The following RBPMS variants were observed in gnomAD, a reference collection of about 807,000 sequenced individuals.
RBPMS encodes the protein RNA binding protein, mRNA processing factor.
RBPMS carries 7 observed loss-of-function variants against 26.8 expected under a neutral mutation model. The observed-to-expected ratio is 0.26, with a 90% CI of 0.15 to 0.49. The LOEUF (loss-of-function observed/expected upper bound fraction) is 0.49. RBPMS is among the 20% of genes least tolerant of loss of function. The pLI is 0.98. For synonymous variants in RBPMS, 96 were observed against 93.3 expected (o/e 1.03, Z -0.17); for missense variants, 186 against 250.0 (o/e 0.74, Z 1.73).
chr8:30,544,949 T>A (rs1286833042), intron 6 of RBPMS: 1 of 1,468,098 alleles, frequency 6.8e-7, no homozygotes, highest in Admixed American at 2.3e-5. Flanking sequence ...CCAGAGTGTA[T>A]ACGTGTGTGC....
At chr8:30,511,476 A>ATATATAT (rs1821602788) in intron 5 of RBPMS, among the ~76,000 whole-genome samples, 18 of 5,084 alleles carry the variant, frequency 3.5e-3, no homozygotes, top group African/African-American at 8.5e-3. Context: ...AAAAAGAAAA[A>ATATATAT]AAAAAAAAAA....
chr8:30,506,149 G>A (rs577772090), intron 5 of RBPMS, among the ~76,000 whole-genome samples: 1 of 152,092 alleles, frequency 6.6e-6, no homozygotes, highest in Admixed American at 6.5e-5. Flanking sequence ...CAACAAATAG[G>A]AACAAACTGG....
intron 4 of RBPMS, among the ~76,000 whole-genome samples, chr8:30,485,112 C>A (rs1485897364): frequency 6.6e-6 from 1 of 152,180 alleles, no homozygotes; most frequent in Non-Finnish European, 1.5e-5. Flanking sequence ...GATACCAGGG[C>A]AGTCAAGACC....
intron 5 of RBPMS, among the ~76,000 whole-genome samples, chr8:30,543,533 C>G (rs1825605154): frequency 6.6e-6 from 1 of 152,174 alleles, no homozygotes; most frequent in Admixed American, 6.5e-5. Context: ...GGATAGCGTC[C>G]TTGGCACACT....
intron 1 of RBPMS, among the ~76,000 whole-genome samples, chr8:30,434,613 A>G (rs910840030): frequency 2.0e-4 from 31 of 151,728 alleles, no homozygotes; most frequent in Admixed American, 1.5e-3. Flanking sequence ...CTGAGGCAGG[A>G]CAGTCACTTG....
intron 6 of RBPMS, among the ~76,000 whole-genome samples, chr8:30,555,273 G>T (rs996114475): frequency 3.9e-5 from 6 of 152,132 alleles, no homozygotes; most frequent in African/African-American, 1.4e-4. Flanking sequence ...GAGCATTCCT[G>T]AAGAAGAGGG....
chr8:30,482,198 T>C (rs1027233147), intron 4 of RBPMS, among the ~76,000 whole-genome samples: 2 of 152,240 alleles, frequency 1.3e-5, no homozygotes, highest in East Asian at 1.9e-4. Flanking sequence ...TCTTTTCTAA[T>C]TGATGAGTTA....
At position 30,507,673 on chromosome 8, in the gene RBPMS, TAAGAG is replaced by T. The variant is rs146165433; in HGVS notation, c.397+3239_397+3243del. On this transcript the variant is annotated intron_variant, in intron 5 of 8. Coordinates refer to ENST00000397323, the MANE Select transcript of RBPMS (RefSeq NM_001008710.3). ...AAAAGATCTGTGAGAAAGCGGGAGT[TAAGAG>T]ATGAGGAAGAATTATAAATTACATT... Among the ~76,000 whole-genome samples the T allele has an allele frequency of 6.4e-3, 982 of 152,308 alleles. 13 individuals are homozygous for T. Among genetic ancestry groups the T allele is most frequent in the African/African-American group, 0.022 (920 of 41,556 alleles).
In RBPMS at chr8:30,478,501, A is replaced by ATTT. The variant is rs199724683; in HGVS notation, c.183+679_183+681dup. Among the ~76,000 whole-genome samples, 9 of 139,798 alleles carry ATTT rather than the reference A, an allele frequency of 6.4e-5. 1 individual carries two copies. Among genetic ancestry groups the ATTT allele is most frequent in the African/African-American group, 1.3e-4 (5 of 37,686 alleles). 91.7% of individuals were successfully genotyped at this position (139,798 alleles called of 152,430 possible). A position where few individuals can be genotyped will look rare whatever the true frequency, so the allele number is the denominator to read the frequency against. On this transcript the variant is annotated intron_variant, in intron 3 of 8. Coordinates refer to ENST00000397323, the MANE Select transcript of RBPMS (RefSeq NM_001008710.3). Reference sequence around the variant, plus strand: ...TCAGAACAGCCTAATTAAGAATATGATTTTTTTTTTTTTTTTTGAGACGGA... The same window carrying ATTT: ...TCAGAACAGCCTAATTAAGAATATGATTTTTTTTTTTTTTTTTTTTGAGACGGA...
intron 6 of RBPMS, among the ~76,000 whole-genome samples, chr8:30,549,780 C>T (rs370404863): frequency 4.3e-5 from 4 of 94,080 alleles, no homozygotes; most frequent in Admixed American, 1.1e-4. Flanking sequence ...TCTTCTCTCT[C>T]TCTCTCTCTC....
chr8:30,393,744 CTT>C (rs777816644), intron 1 of RBPMS, among the ~76,000 whole-genome samples: 1 of 152,080 alleles, frequency 6.6e-6, no homozygotes. Flanking sequence ...GTCTCAAACT[CTT>C]GACCTCAGGT....
intron 6 of RBPMS, among the ~76,000 whole-genome samples, chr8:30,557,136 A>G (rs774149612): frequency 9.2e-5 from 14 of 152,180 alleles, no homozygotes; most frequent in Non-Finnish European, 2.1e-4. Flanking sequence ...ATCGCTGGTC[A>G]TATCTGGCAT....
intron 1 of RBPMS, among the ~76,000 whole-genome samples, chr8:30,408,952 A>C (rs770300717): frequency 2.6e-5 from 4 of 152,114 alleles, no homozygotes; most frequent in Non-Finnish European, 5.9e-5. Flanking sequence ...GGAATGATAC[A>C]AGATCGGTCT....
chr8:30,391,312 G>A lies in RBPMS; in HGVS notation c.66+6154G>A, dbSNP rs143103660. Among the ~76,000 whole-genome samples, 17 of 152,376 alleles carry A rather than the reference G, an allele frequency of 1.1e-4. No homozygotes were observed. The East Asian group carries it at 3.3e-3, about 29-fold the overall frequency. On this transcript the variant is annotated intron_variant, in intron 1 of 8. Transcript: ENST00000397323. ...CCAGAAGCCTTGGTTAGGTGGAAGA[G>A]CATGGACTCCCTGTGTTCCCAAACA...
chr8:30,566,181 G>A (rs1827874280), intron 7 of RBPMS, 76 bp from the exon 8 acceptor site: 20 of 813,744 alleles, frequency 2.5e-5, no homozygotes, highest in Non-Finnish European at 3.0e-5. Context: ...CTCAGAACAG[G>A]CCGGTCTTCA....
intron 7 of RBPMS, among the ~76,000 whole-genome samples, chr8:30,563,277 T>TGTG (rs1271852922): frequency 1.3e-5 from 2 of 152,226 alleles, no homozygotes; most frequent in African/African-American, 4.8e-5. Flanking sequence ...ACACAGCCTG[T>TGTG]GGCCAGAGTT....
At chr8:30,513,205 G>A (rs1821915655) in intron 5 of RBPMS, among the ~76,000 whole-genome samples, 1 of 152,104 alleles carries the variant, frequency 6.6e-6, no homozygotes, top group Non-Finnish European at 1.5e-5. Flanking sequence ...GTGAGACACA[G>A]AGGAGAAAGA....
chr8:30,549,014 C>T (rs1359239376), intron 6 of RBPMS, among the ~76,000 whole-genome samples: 2 of 152,176 alleles, frequency 1.3e-5, no homozygotes, highest in Non-Finnish European at 2.9e-5. Flanking sequence ...TAGGAGTCGC[C>T]CAGCAGCGAG....
intron 5 of RBPMS, among the ~76,000 whole-genome samples, chr8:30,533,300 A>T (rs1824431614): frequency 6.6e-6 from 1 of 152,182 alleles, no homozygotes; most frequent in African/African-American, 2.4e-5. Context: ...AAAGCAAGGG[A>T]GGTGAAGGAA....
Sources: allele counts gnomAD v4.1 joint callset (sites outside exome capture counted in the v4.1 genomes callset), GRCh38; gene constraint gnomAD v4.1.1; transcripts MANE v1.5; gene names NCBI Gene and HGNC (gene_info 2026-07-23, HGNC 2026-07-21).